UBE2D3: variants seen among roughly 807,000 people sequenced by gnomAD.
The protein encoded by UBE2D3 is ubiquitin-conjugating enzyme E2 D3.
In UBE2D3, 2 loss-of-function variants were observed where a neutral mutation model predicts 22.8. The observed-to-expected ratio is 0.09, with a 90% confidence interval of 0.04 to 0.28. The LOEUF (loss-of-function observed/expected upper bound fraction) is 0.28. Ranked by LOEUF, UBE2D3 falls within the 10% of genes least tolerant of loss-of-function variation. The probability of loss-of-function intolerance (pLI) is 1.00; values close to 1 mark genes in which losing one functional copy is unlikely to be tolerated. For missense variants in UBE2D3, 27 were observed against 182.5 expected, an observed-to-expected ratio of 0.15 and a Z score of 4.91; for synonymous variants, 56 against 60.4, an observed-to-expected ratio of 0.93 and a Z score of 0.34.
intron 2 of UBE2D3, among the ~76,000 whole-genome samples, chr4:102,822,780 A>AAAAAAATTAGCCTCTACTAAAAAAACG: frequency 6.6e-6 from 1 of 152,190 alleles, no homozygotes; most frequent in Non-Finnish European, 1.5e-5. Context: ...CTAAAAAAAC[A>AAAAAAATTAGCCTCTACTAAAAAAACG]AAAAAATTAG....
At chr4:102,857,482 A>G (rs1732681643) in intron 1 of UBE2D3, among the ~76,000 whole-genome samples, 1 of 152,228 alleles carries the variant, frequency 6.6e-6, no homozygotes, top group Non-Finnish European at 1.5e-5. Flanking sequence ...CAAAAATAGG[A>G]AAAAACAATA....
intron 7 of UBE2D3, chr4:102,799,007 T>G: frequency 1.9e-6 from 3 of 1,588,836 alleles, no homozygotes; most frequent in Non-Finnish European, 2.6e-6. Flanking sequence ...TAGCATTAAT[T>G]ATAACATATG....
chr4:102,835,113 C>A (rs1312407335), intron 1 of UBE2D3, among the ~76,000 whole-genome samples: 2 of 152,094 alleles, frequency 1.3e-5, no homozygotes, highest in Non-Finnish European at 2.9e-5. Context: ...AATGAAGAAG[C>A]CTCATTATGA....
intron 1 of UBE2D3, among the ~76,000 whole-genome samples, chr4:102,840,360 C>T (rs1225856022): frequency 6.6e-6 from 1 of 152,212 alleles, no homozygotes; most frequent in African/African-American, 2.4e-5. Context: ...AATGTGTTAC[C>T]TATGCACAAT....
At chr4:102,837,844 C>T (rs1161969205) in intron 1 of UBE2D3, among the ~76,000 whole-genome samples, 1 of 152,094 alleles carries the variant, frequency 6.6e-6, no homozygotes, top group Admixed American at 6.6e-5. Flanking sequence ...CCCAGCTACT[C>T]GGGAGAGGCT....
At chr4:102,818,080 C>A (rs1385036798) in intron 2 of UBE2D3, among the ~76,000 whole-genome samples, 1 of 152,098 alleles carries the variant, frequency 6.6e-6, no homozygotes, top group Non-Finnish European at 1.5e-5. Flanking sequence ...TGCTGACTAC[C>A]CCTCACCTAA....
At chr4:102,852,192 G>C (rs773762480) in intron 1 of UBE2D3, among the ~76,000 whole-genome samples, 2 of 152,202 alleles carry the variant, frequency 1.3e-5, no homozygotes, top group Non-Finnish European at 2.9e-5. Flanking sequence ...CTTAGGCCAT[G>C]AAATAGAAGC....
intron 4 of UBE2D3, among the ~76,000 whole-genome samples, chr4:102,803,797 C>G (rs1300461948): frequency 6.6e-6 from 1 of 152,204 alleles, no homozygotes; most frequent in East Asian, 1.9e-4. Flanking sequence ...GAGACGGAGT[C>G]TCACTCTGTC....
intron 2 of UBE2D3, among the ~76,000 whole-genome samples, chr4:102,815,924 ATATTACTATT>A (rs1560861199): frequency 6.6e-6 from 1 of 152,220 alleles, no homozygotes; most frequent in Non-Finnish European, 1.5e-5. Flanking sequence ...ATAGTATCTA[ATATTACTATT>A]TAAAGTACCA....
In UBE2D3 at chr4:102,797,859, T is replaced by C. The variant is rs1725448286; in HGVS notation, c.399-399A>G. Among the ~76,000 whole-genome samples, 4 of 152,044 alleles carry C rather than the reference T, an allele frequency of 2.6e-5. No individual in the cohort carries two copies. The South Asian group carries it at 8.3e-4, about 32-fold the overall frequency. Reference sequence around the variant, plus strand: ...CAGAAATTTCCACCAAGGCCAGAACTAGGCTTTTACTAGAACAATTTTATC... The same window carrying C: ...CAGAAATTTCCACCAAGGCCAGAACCAGGCTTTTACTAGAACAATTTTATC... On this transcript the variant is annotated intron_variant, in intron 7 of 7. Transcript: ENST00000453744.
rs944992971 is a variant in UBE2D3, at chr4:102,826,463, T to A, written c.24+22A>T. 5 of 1,613,708 alleles carry A rather than the reference T, an allele frequency of 3.1e-6. No individual in the cohort carries two copies. The African/African-American group carries it at 4.0e-5, about 13-fold the overall frequency. Reference sequence around the variant, plus strand: ...GCCTTCCTTTTCTCCTACCACCCCATGCCCTTGTCCCCGCGGGTTACCTTA... The same window carrying A: ...GCCTTCCTTTTCTCCTACCACCCCAAGCCCTTGTCCCCGCGGGTTACCTTA... On this transcript the variant is annotated intron_variant, in intron 2 of 7. Transcript: ENST00000453744.
chr4:102,819,447 T>C, intron 2 of UBE2D3: 3 of 355,046 alleles, frequency 8.4e-6, no homozygotes, highest in Non-Finnish European at 1.2e-5. Context: ...AGAGCAGCCA[T>C]GTTCCAGGAG....
chr4:102,838,807 C>CAAAA (rs145975514), intron 1 of UBE2D3, among the ~76,000 whole-genome samples: 8 of 54,308 alleles, frequency 1.5e-4, no homozygotes, highest in African/African-American at 3.7e-4. Context: ...CTGTGCTGGG[C>CAAAA]AAAAAAAAAA....
At chr4:102,866,387 T>C (rs1204813762) in intron 1 of UBE2D3, among the ~76,000 whole-genome samples, 1 of 152,166 alleles carries the variant, frequency 6.6e-6, no homozygotes, top group Non-Finnish European at 1.5e-5. Flanking sequence ...AAATTACTTA[T>C]ATGTGAGGGT....
At chr4:102,827,706 A>G (rs1730809071), upstream of UBE2D3, 1 of 943,946 alleles carries the variant, frequency 1.1e-6, no homozygotes, top group Admixed American at 8.3e-5. Flanking sequence ...ATACGTGTCA[A>G]GCCCTTTTCC....
intron 1 of UBE2D3, among the ~76,000 whole-genome samples, chr4:102,852,430 A>C (rs1434391730): frequency 6.6e-6 from 1 of 152,242 alleles, no homozygotes. Context: ...ATGTATATAT[A>C]TACATTTACA....
intron 1 of UBE2D3, among the ~76,000 whole-genome samples, chr4:102,864,087 G>A (rs1733033301): frequency 6.6e-6 from 1 of 152,094 alleles, no homozygotes; most frequent in East Asian, 1.9e-4. Context: ...ATATGTGCCA[G>A]GTACTGTTTT....
At chr4:102,823,454 T>C (rs1729951749) in intron 2 of UBE2D3, among the ~76,000 whole-genome samples, 1 of 152,230 alleles carries the variant, frequency 6.6e-6, no homozygotes, top group Admixed American at 6.5e-5. Flanking sequence ...CGCTTGCTTA[T>C]AATCATATAT....
At chr4:102,802,458 CAT>C (rs759604914) in intron 5 of UBE2D3, 101 bp downstream of exon 5, 2 of 888,468 alleles carry the variant, frequency 2.3e-6, no homozygotes, top group Non-Finnish European at 1.6e-6. Flanking sequence ...TGCAATTCAA[CAT>C]ATATATACAG....
Sources: gnomAD v4.1 joint callset for allele counts (sites outside exome capture counted in the v4.1 genomes callset) on GRCh38, gnomAD v4.1.1 for gene constraint, MANE v1.5 for transcripts, NCBI Gene and HGNC (gene_info 2026-07-23, HGNC 2026-07-21) for gene names.